FAM53A: variants seen among roughly 807,000 people sequenced by gnomAD.
FAM53A encodes the protein protein FAM53A.
A neutral mutation model predicts 26.6 loss-of-function variants in FAM53A; 28 were observed. The ratio of observed to expected loss-of-function variants is 1.05; its 90% confidence interval spans 0.78 to 1.45. The LOEUF (loss-of-function observed/expected upper bound fraction) is 1.45. Ranked by LOEUF, FAM53A falls within the 40% of genes most tolerant of loss-of-function variation. The pLI, the probability that FAM53A is intolerant of heterozygous loss-of-function variation, is 0.00. For synonymous variants in FAM53A, 290 were observed against 253.1 expected (o/e 1.15, Z -1.38); for missense variants, 650 against 575.8 (o/e 1.13, Z -1.32).
At chr4:1,644,284 T>C (rs1204425505) in intron 4 of FAM53A, 2 of 1,535,864 alleles carry the variant, frequency 1.3e-6, no homozygotes, top group Non-Finnish European at 1.7e-6. Context: ...CGACAGATGC[T>C]GTAAGCTCAC....
chr4:1,574,915 C>A, the FAM53A span, among the ~76,000 whole-genome samples: 1 of 152,276 alleles, frequency 6.6e-6, no homozygotes, highest in Admixed American at 6.5e-5. Context: ...CTCTGCCTCC[C>A]TCGGTGTCAA....
At chr4:1,637,550 C>T (rs1202568678), downstream of FAM53A, among the ~76,000 whole-genome samples, 2 of 152,134 alleles carry the variant, frequency 1.3e-5, no homozygotes, top group Non-Finnish European at 2.9e-5. Context: ...GCCTCAGCCT[C>T]TTCCCCTCAG....
rs1276035405 is a variant in FAM53A at position 1,659,805 on chromosome 4, A to G, written c.76-2337T>C. Among the ~76,000 whole-genome samples the G allele has an allele frequency of 6.6e-6, 1 of 152,154 alleles. No homozygotes were observed. Among genetic ancestry groups the G allele is most frequent in the Non-Finnish European group, 1.5e-5 (1 of 68,028 alleles). On this transcript the variant is annotated intron_variant, in intron 2 of 4. Transcript: ENST00000308132. This position sits in a 1 kb window ranked among gnomAD's most constrained non-coding sequence, Gnocchi z 5.2. ...ACGGCTCTTCCGGTTGTATCTATGC[A>G]TGGTCGAAGGGGCTGGCTTCCTCTC...
chr4:1,685,579 C>G (rs1276763142), upstream of FAM53A, among the ~76,000 whole-genome samples: 1 of 152,110 alleles, frequency 6.6e-6, no homozygotes, highest in East Asian at 1.9e-4. Context: ...GGTTCTGGGC[C>G]TGGTAAGGCT....
At chr4:1,652,341 TAC>T (rs1317672570) in intron 4 of FAM53A, among the ~76,000 whole-genome samples, 3 of 111,170 alleles carry the variant, frequency 2.7e-5, no homozygotes, top group Middle Eastern at 8.9e-3. Flanking sequence ...ACACACGCTA[TAC>T]ACACACCACA....
the FAM53A span, among the ~76,000 whole-genome samples, chr4:1,577,376 C>CCGCCAGCAGACGGAGCCTGGA: frequency 3.9e-5 from 6 of 152,220 alleles, no homozygotes; most frequent in Admixed American, 3.9e-4. Flanking sequence ...CATGCGGACC[C>CCGCCAGCAGACGGAGCCTGGA]CGCCAGCAGA....
the FAM53A span, among the ~76,000 whole-genome samples, chr4:1,600,656 C>G: frequency 4.5e-4 from 69 of 152,300 alleles, no homozygotes; most frequent in African/African-American, 1.6e-3. Context: ...CACTTCTTTT[C>G]TTTTTCTTTT....
At chr4:1,628,911 G>T (rs1164964475) in intron 1 of FAM53A, among the ~76,000 whole-genome samples, 4 of 151,782 alleles carry the variant, frequency 2.6e-5, no homozygotes, top group Non-Finnish European at 4.4e-5. Context: ...CTACTCCGTA[G>T]CCCAAGATAA....
At chr4:1,627,280 C>T (rs929055739) in intron 1 of FAM53A, among the ~76,000 whole-genome samples, 3 of 152,246 alleles carry the variant, frequency 2.0e-5, no homozygotes, top group Non-Finnish European at 4.4e-5. Context: ...AGTGCTCAGG[C>T]AGGGCCTGAT....
the FAM53A span, among the ~76,000 whole-genome samples, chr4:1,582,453 CAA>C: frequency 2.0e-5 from 3 of 152,208 alleles, no homozygotes; most frequent in Admixed American, 1.3e-4. Context: ...TACACAGACC[CAA>C]GAGAGAGTGG....
intron 2 of FAM53A, among the ~76,000 whole-genome samples, chr4:1,660,859 T>C (rs1430721029): frequency 6.6e-6 from 1 of 151,214 alleles, no homozygotes; most frequent in African/African-American, 2.4e-5. Context: ...CCAGCCTGGG[T>C]GACAGAGCCA....
At chr4:1,620,923 C>T (rs529655843) in intron 1 of FAM53A, among the ~76,000 whole-genome samples, 70 of 152,148 alleles carry the variant, frequency 4.6e-4, no homozygotes, top group African/African-American at 1.5e-3. Flanking sequence ...TCACCACATA[C>T]GTAGGCAACC....
the FAM53A span, among the ~76,000 whole-genome samples, chr4:1,585,579 C>T: frequency 5.3e-3 from 799 of 152,142 alleles, 12 homozygotes; most frequent in Middle Eastern, 0.031. Flanking sequence ...CCACTGCACC[C>T]GGCCCAATGT....
intron 1 of FAM53A, among the ~76,000 whole-genome samples, chr4:1,621,307 T>C (rs1201162255): frequency 1.3e-5 from 2 of 152,052 alleles, no homozygotes; most frequent in African/African-American, 4.8e-5. Context: ...GGTTTCACCA[T>C]GTTAGCCGGG....
chr4:1,640,425 C>T lies in FAM53A; in HGVS notation c.*868G>A. 3.5e-6 allele frequency: 1 copy of T among 285,824 alleles called. No homozygotes were observed. The highest frequency in any genetic ancestry group is 3.0e-5 in the South Asian group (1 of 33,244). 17.7% of individuals were successfully genotyped at this position (285,824 alleles called of 1,614,324 possible). On this transcript the variant is annotated 3_prime_UTR_variant, in exon 5 of 5. Transcript: ENST00000308132. ...ACTAAAGCACACAAGGCGCCCTGCA[C>T]AGCAGGCCTTTCGTGGGGAACACAG...
At chr4:1,637,420 G>A (rs988964471), downstream of FAM53A, among the ~76,000 whole-genome samples, 4 of 152,142 alleles carry the variant, frequency 2.6e-5, no homozygotes, top group East Asian at 3.9e-4. Context: ...GCCAGCCCTC[G>A]AGGGACAGAG....
chr4:1,683,532 G>C (rs1219981716), intron 1 of FAM53A: 1 of 152,252 alleles, frequency 6.6e-6, no homozygotes, highest in African/African-American at 2.4e-5. Context: ...CACCAGCCAC[G>C]AGCACATTCT....
chr4:1,608,434 C>T, the FAM53A span, among the ~76,000 whole-genome samples: 1 of 152,216 alleles, frequency 6.6e-6, no homozygotes, highest in African/African-American at 2.4e-5. Context: ...CTCACGGGCC[C>T]CTCCCCGCCC....
Position 1,641,527 on chromosome 4 carries a change from C to A in FAM53A, c.963G>T (p.Leu321=), listed in dbSNP as rs141044683. The A allele has an allele frequency of 6.2e-7, 1 of 1,614,096 alleles. No homozygotes were observed. Among genetic ancestry groups the A allele is most frequent in the Non-Finnish European group, 8.5e-7 (1 of 1,180,028 alleles). ...GGCCCCGGGAGTCACATGGGGAGGA[C>A]AGAACCGTCTTCACTGGGGTGTCAT... ...DEDDTPVKTV[L]SSPCDSRGLP... is the part of the protein sequence containing the mutation. Residue 321 remains leucine (L), a synonymous_variant, in exon 5 of 5, where the codon CTG becomes CTT. Transcript: ENST00000308132.
Sources: gnomAD v4.1 joint callset for allele counts (sites outside exome capture counted in the v4.1 genomes callset) on GRCh38, gnomAD v4.1.1 for gene constraint, Gnocchi (gnomAD v3.1) non-coding constraint, MANE v1.5 for transcripts, NCBI Gene and HGNC (gene_info 2026-07-23, HGNC 2026-07-21) for gene names.